ROBO1: variants seen among roughly 807,000 people sequenced by gnomAD.
ROBO1 encodes the protein roundabout homolog 1.
In ROBO1, 149 loss-of-function variants were observed where a neutral mutation model predicts 195.9. The observed-to-expected ratio is 0.76, with a 90% CI of 0.67 to 0.87. ROBO1 has a LOEUF of 0.87. Among genes scored for constraint, ROBO1 ranks in the 40% least tolerant of loss-of-function variants. The pLI is 0.00. For missense variants in ROBO1, 1,933 were observed against 2,068.3 expected (o/e 0.93, Z 1.27); for synonymous variants, 816 against 733.2 (o/e 1.11, Z -1.82).
Position 79,655,524 on chromosome 3 carries a change from C to A in ROBO1, c.-50-65563G>T, listed in dbSNP as rs1264376537. 5.3e-5 allele frequency among the ~76,000 whole-genome samples: 8 copies of A among 152,018 alleles called. No individual in the cohort carries two copies. In the East Asian group the frequency reaches 1.4e-3, roughly 26 times the overall value. On this transcript the variant is annotated intron_variant, in intron 1 of 30. Coordinates refer to ENST00000464233, the MANE Select transcript of ROBO1 (RefSeq NM_002941.4). ...TTATCAAATCTATCAATTTTTAGAG[C>A]TCTGATACTTGCACTTAATAATGGC...
intron 3 of ROBO1, among the ~76,000 whole-genome samples, chr3:79,115,147 ATGGT>A (rs756725591): frequency 9.2e-5 from 14 of 152,298 alleles, no homozygotes; most frequent in Non-Finnish European, 2.1e-4. Context: ...GAACTGGGTG[ATGGT>A]TGATCTTTCA....
chr3:79,196,073 T>G (rs1576800288), intron 2 of ROBO1, among the ~76,000 whole-genome samples: 1 of 151,568 alleles, frequency 6.6e-6, no homozygotes, highest in Non-Finnish European at 1.5e-5. Context: ...AGTCATAGTC[T>G]TTCCCTGAAA....
chr3:79,403,987 C>T (rs913874840), intron 2 of ROBO1, among the ~76,000 whole-genome samples: 6 of 152,064 alleles, frequency 3.9e-5, no homozygotes, highest in African/African-American at 1.4e-4. Flanking sequence ...ATTTAATTTC[C>T]ATCACTTTTA....
intron 2 of ROBO1, among the ~76,000 whole-genome samples, chr3:79,307,732 A>G (rs2033289039): frequency 6.6e-6 from 1 of 152,156 alleles, no homozygotes. Flanking sequence ...AAGATAGCAC[A>G]CAGTAGAAAT....
intron 2 of ROBO1, among the ~76,000 whole-genome samples, chr3:79,471,404 A>G (rs1300800174): frequency 1.3e-5 from 2 of 152,158 alleles, no homozygotes; most frequent in East Asian, 3.8e-4. Flanking sequence ...ACTATACCAC[A>G]TGCTTCAGCA....
intron 2 of ROBO1, among the ~76,000 whole-genome samples, chr3:79,411,862 C>A (rs2037782231): frequency 6.6e-6 from 1 of 152,044 alleles, no homozygotes; most frequent in African/African-American, 2.4e-5. Flanking sequence ...TGATGCATTC[C>A]TAAATATAAT....
At chr3:78,729,908 T>C (rs1338611479) in intron 5 of ROBO1, among the ~76,000 whole-genome samples, 1 of 152,236 alleles carries the variant, frequency 6.6e-6, no homozygotes, top group South Asian at 2.1e-4. Flanking sequence ...TGAAACAGTG[T>C]CCTGCTGTTT....
intron 2 of ROBO1, among the ~76,000 whole-genome samples, chr3:79,147,865 G>A (rs768015129): frequency 1.3e-5 from 2 of 151,816 alleles, no homozygotes; most frequent in African/African-American, 4.8e-5. Context: ...ACAGCTATAC[G>A]TAAAACCAGA....
rs550412556 is a variant in ROBO1, at chr3:79,320,300, C to T, written c.89-194761G>A. 4.6e-5 allele frequency among the ~76,000 whole-genome samples: 7 copies of T among 152,218 alleles called. No homozygotes were observed. The South Asian group carries it at 8.3e-4, about 18-fold the overall frequency. On this transcript the variant is annotated intron_variant, in intron 2 of 30. Coordinates refer to ENST00000464233, the MANE Select transcript of ROBO1 (RefSeq NM_002941.4). ...ATCCCATCCATGAGGACTCCACCTT[C>T]GTGAACTCATCGCTTCCCAAAGGCC...
intron 2 of ROBO1, among the ~76,000 whole-genome samples, chr3:79,581,230 G>A (rs559645580): frequency 9.2e-5 from 14 of 152,124 alleles, no homozygotes; most frequent in African/African-American, 3.4e-4. Context: ...TCATCATCTA[G>A]GTTAGCGCCT....
At chr3:79,364,251 T>C (rs573944847) in intron 2 of ROBO1, among the ~76,000 whole-genome samples, 6 of 148,570 alleles carry the variant, frequency 4.0e-5, no homozygotes, top group Non-Finnish European at 5.9e-5. Context: ...TATATATATA[T>C]ACATATATAT....
intron 3 of ROBO1, among the ~76,000 whole-genome samples, chr3:78,949,641 A>C (rs1028753452): frequency 2.6e-5 from 4 of 152,032 alleles, no homozygotes; most frequent in African/African-American, 4.8e-5. Context: ...CAATGGCAAC[A>C]AAAGCCAAAA....
chr3:79,175,934 CAAAG>C (rs1326491263), intron 2 of ROBO1, among the ~76,000 whole-genome samples: 2 of 152,038 alleles, frequency 1.3e-5, no homozygotes, highest in Middle Eastern at 3.2e-3. Flanking sequence ...AAATAATAAA[CAAAG>C]GAAGTTCTGG....
At chr3:78,667,841 A>C (rs748229389) in intron 14 of ROBO1, 42 bp downstream of exon 14, 1 of 1,571,928 alleles carries the variant, frequency 6.4e-7, no homozygotes. Flanking sequence ...ATAACATCTA[A>C]GGATAAGTAG....
chr3:78,759,339 T>C (rs1366981387), intron 4 of ROBO1: 1 of 151,668 alleles, frequency 6.6e-6, no homozygotes, highest in Admixed American at 6.6e-5. Flanking sequence ...AGGCCACGCA[T>C]GTCATCAAAG....
intron 2 of ROBO1, among the ~76,000 whole-genome samples, chr3:79,396,369 G>A (rs1447676528): frequency 2.0e-5 from 3 of 151,816 alleles, no homozygotes; most frequent in Non-Finnish European, 1.5e-5. Flanking sequence ...TTCTATACTA[G>A]GGTGACATTG....
At chr3:79,338,889 C>T (rs1282650279) in intron 2 of ROBO1, among the ~76,000 whole-genome samples, 1 of 152,142 alleles carries the variant, frequency 6.6e-6, no homozygotes, top group Non-Finnish European at 1.5e-5. Context: ...ATTTGTATAT[C>T]TCATAAGCAT....
intron 8 of ROBO1, chr3:78,693,263 G>A: frequency 6.5e-7 from 1 of 1,528,424 alleles, no homozygotes; most frequent in African/African-American, 1.4e-5. Flanking sequence ...TGAAGGACAT[G>A]GAAGGGTATG....
At chr3:79,204,801 C>G (rs2081835733) in intron 2 of ROBO1, among the ~76,000 whole-genome samples, 1 of 152,122 alleles carries the variant, frequency 6.6e-6, no homozygotes, top group Admixed American at 6.5e-5. Flanking sequence ...TGGGTTTGAG[C>G]ATATTTCATG....
Sources: allele counts gnomAD v4.1 joint callset (sites outside exome capture counted in the v4.1 genomes callset), GRCh38; gene constraint gnomAD v4.1.1; transcripts MANE v1.5; gene names NCBI Gene and HGNC (gene_info 2026-07-23, HGNC 2026-07-21).